Variants in RBFOX1 observed in about 807,000 individuals in gnomAD.
The protein encoded by RBFOX1 is RNA binding fox-1 homolog 1.
RBFOX1 carries 8 observed loss-of-function variants against 57.7 expected under a neutral mutation model. The ratio of observed to expected loss-of-function variants is 0.14; its 90% confidence interval spans 0.08 to 0.25. The LOEUF is 0.25. Among genes scored for constraint, RBFOX1 ranks in the 10% least tolerant of loss-of-function variants. RBFOX1 has a pLI of 1.00. For missense variants in RBFOX1, 611 were observed against 548.5 expected, an observed-to-expected ratio of 1.11 and a Z score of -1.14; for synonymous variants, 326 against 222.4, an observed-to-expected ratio of 1.47 and a Z score of -4.15.
intron 1 of RBFOX1, among the ~76,000 whole-genome samples, chr16:6,087,811 C>G (rs1262648418): frequency 6.6e-6 from 1 of 152,108 alleles, no homozygotes; most frequent in Non-Finnish European, 1.5e-5. Context: ...CACCACCACA[C>G]CCAGTTAATT....
In RBFOX1 at chr16:5,700,904, G is replaced by C. The variant is rs550717122; in HGVS notation, c.318+101943G>C. The stretch of plus-strand genomic sequence containing the variant: ...CCACTCCAGGAGCTGAGCATGCTGT[G>C]GTGTCACCCATAGTGTCTGAGAGTA... On this transcript the variant is annotated intron_variant, in intron 3 of 19. Transcript: ENST00000641259. Among the ~76,000 whole-genome samples the C allele has an allele frequency of 8.5e-5, 13 of 152,274 alleles. No homozygotes were observed. The South Asian group carries it at 2.7e-3, about 32-fold the overall frequency.
chr16:5,819,696 A>T (rs989711595), intron 3 of RBFOX1, among the ~76,000 whole-genome samples: 1 of 152,214 alleles, frequency 6.6e-6, no homozygotes, highest in African/African-American at 2.4e-5. Context: ...ACTGCCTGGA[A>T]TACCCTTTCC....
At chr16:7,193,299 G>C (rs1602502862) in intron 4 of RBFOX1, among the ~76,000 whole-genome samples, 1 of 152,158 alleles carries the variant, frequency 6.6e-6, no homozygotes, top group Non-Finnish European at 1.5e-5. Flanking sequence ...AAAGCAGCAG[G>C]CTGCCGCTAG....
intron 3 of RBFOX1, among the ~76,000 whole-genome samples, chr16:5,699,755 C>G (rs2050970800): frequency 1.3e-5 from 2 of 152,326 alleles, no homozygotes; most frequent in Non-Finnish European, 2.9e-5. Flanking sequence ...AAAATACCAA[C>G]AATGCCAAGG....
rs1288920941 is a variant in RBFOX1 at position 7,416,459 on chromosome 16, AG to A, written c.28-101686del. On this transcript the variant is annotated intron_variant, in intron 4 of 15. Coordinates refer to ENST00000550418, the MANE Select transcript of RBFOX1 (RefSeq NM_018723.4). ...CCAACCTCTGCTGATTGTTAGAGGG[AG>A]GAAGTGATGTACAGGAAAGTGGGTA... 5.5e-4 allele frequency among the ~76,000 whole-genome samples: 84 copies of A among 152,222 alleles called. 1 individual carries two copies. The highest frequency in any genetic ancestry group is 1.8e-3 in the African/African-American group (74 of 41,556).
intron 1 of RBFOX1, among the ~76,000 whole-genome samples, chr16:5,383,446 G>A (rs2066179250): frequency 6.6e-6 from 1 of 152,204 alleles, no homozygotes; most frequent in Admixed American, 6.5e-5. Context: ...GGTCTGTTAG[G>A]CCTGGTTAGT....
At chr16:6,576,648 T>C (rs577045565) in intron 2 of RBFOX1, among the ~76,000 whole-genome samples, 1 of 127,310 alleles carries the variant, frequency 7.9e-6, no homozygotes, top group East Asian at 2.2e-4. Flanking sequence ...TTCCTATTTT[T>C]GTTGGCAGGG....
At chr16:6,428,064 C>T (rs540802593) in intron 2 of RBFOX1, among the ~76,000 whole-genome samples, 2 of 152,238 alleles carry the variant, frequency 1.3e-5, no homozygotes, top group South Asian at 2.1e-4. Context: ...AGGCAAATCA[C>T]TTGAGCCTGG....
chr16:6,378,065 T>C (rs970750336), intron 2 of RBFOX1, among the ~76,000 whole-genome samples: 17 of 152,192 alleles, frequency 1.1e-4, no homozygotes, highest in African/African-American at 4.1e-4. Flanking sequence ...ATAGGCCGTG[T>C]ATGTTTAGAA....
At chr16:7,266,114 A>G (rs2095130313) in intron 4 of RBFOX1, among the ~76,000 whole-genome samples, 1 of 151,716 alleles carries the variant, frequency 6.6e-6, no homozygotes, top group African/African-American at 2.4e-5. Context: ...AGCTGGGACT[A>G]CAGGCGCTCG....
rs193192737 is a variant in RBFOX1, at chr16:6,858,688, G to C, written c.-15-193369G>C. On this transcript the variant is annotated intron_variant, in intron 3 of 15. Coordinates refer to ENST00000550418, the MANE Select transcript of RBFOX1 (RefSeq NM_018723.4). ...AAAAAATAGAAACAATAATTTTATG[G>C]AATTACATATCAGAATATGAGTGTT... 1.3e-4 allele frequency among the ~76,000 whole-genome samples: 20 copies of C among 152,156 alleles called. 1 individual carries two copies. The highest frequency in any genetic ancestry group is 4.6e-4 in the Admixed American group (7 of 15,264).
chr16:6,684,475 A>C (rs1482432378), intron 3 of RBFOX1, among the ~76,000 whole-genome samples: 1 of 152,218 alleles, frequency 6.6e-6, no homozygotes, highest in Non-Finnish European at 1.5e-5. Flanking sequence ...AACCTCCTGA[A>C]CTTAAGTCTT....
intron 3 of RBFOX1, among the ~76,000 whole-genome samples, chr16:6,970,655 A>G (rs548673435): frequency 1.3e-5 from 2 of 152,308 alleles, no homozygotes; most frequent in Non-Finnish European, 2.9e-5. Context: ...TGTGAGGGCT[A>G]TGACCTCATG....
chr16:7,174,787 A>T (rs2152480737), intron 4 of RBFOX1, among the ~76,000 whole-genome samples: 1 of 152,268 alleles, frequency 6.6e-6, no homozygotes, highest in South Asian at 2.1e-4. Context: ...CTCAAAACAA[A>T]CAGACAAACA....
intron 3 of RBFOX1, among the ~76,000 whole-genome samples, chr16:6,902,398 T>A (rs2068710737): frequency 1.3e-5 from 2 of 152,138 alleles, no homozygotes; most frequent in African/African-American, 2.4e-5. Flanking sequence ...AAGAGGAAAG[T>A]CTTCCAGGCC....
In RBFOX1 at chr16:7,224,803, C is replaced by T. The variant is rs115770131; in HGVS notation, c.27+172705C>T. Among the ~76,000 whole-genome samples the T allele has an allele frequency of 4.9e-3, 747 of 152,298 alleles. 5 individuals are homozygous for T. The highest frequency in any genetic ancestry group is 0.016 in the African/African-American group (678 of 41,544). ...CAAAGTGTGGTCCAAAGACCAGCCT[C>T]ACTTGGTAACTGTTAGAAATGCAGA... On this transcript the variant is annotated intron_variant, in intron 4 of 15. Transcript: ENST00000550418.
intron 4 of RBFOX1, among the ~76,000 whole-genome samples, chr16:7,284,917 T>G (rs1310422785): frequency 6.6e-6 from 1 of 152,112 alleles, no homozygotes; most frequent in East Asian, 1.9e-4. Context: ...TCTTACATCC[T>G]TGCCACACAC....
chr16:6,833,104 G>A (rs2092827402), intron 3 of RBFOX1, among the ~76,000 whole-genome samples: 1 of 148,002 alleles, frequency 6.8e-6, no homozygotes, highest in African/African-American at 2.5e-5. Flanking sequence ...TTTCTGGAAG[G>A]CTTTTTCTGT....
chr16:5,685,043 G>A (rs571092467), intron 3 of RBFOX1, among the ~76,000 whole-genome samples: 2 of 152,096 alleles, frequency 1.3e-5, no homozygotes, highest in Non-Finnish European at 2.9e-5. Context: ...CGATAGAAGC[G>A]GTTGTGATTC....
Sources: allele counts gnomAD v4.1 joint callset (sites outside exome capture counted in the v4.1 genomes callset), GRCh38; gene constraint gnomAD v4.1.1; transcripts MANE v1.5; gene names NCBI Gene and HGNC (gene_info 2026-07-23, HGNC 2026-07-21).